GEM: variants seen among roughly 807,000 people sequenced by gnomAD.
GEM encodes the protein GTP-binding protein GEM.
Under a neutral mutation model 33.0 loss-of-function variants are expected in GEM, and 31 were observed. The observed-to-expected ratio is 0.94, with a 90% CI of 0.71 to 1.27. The LOEUF (loss-of-function observed/expected upper bound fraction) is 1.27. GEM is among the 50% of genes most tolerant of loss of function. GEM has a pLI of 0.00. For missense variants in GEM, 354 were observed against 390.5 expected (o/e 0.91, Z 0.79); for synonymous variants, 141 against 143.7 (o/e 0.98, Z 0.13).
intron 2 of GEM, among the ~76,000 whole-genome samples, chr8:94,258,935 G>A (rs1354873175): frequency 6.6e-6 from 1 of 152,134 alleles, no homozygotes; most frequent in African/African-American, 2.4e-5. Context: ...CTAACAAAGT[G>A]CCTCTCCCGT....
chr8:94,251,531 T>C (rs140043285), intron 4 of GEM, among the ~76,000 whole-genome samples: 7 of 152,346 alleles, frequency 4.6e-5, no homozygotes, highest in South Asian at 4.1e-4. Context: ...AGATTTTCCC[T>C]GAGCTAAGTA....
At chr8:94,261,935 G>C (rs1586068089) in intron 1 of GEM, among the ~76,000 whole-genome samples, 155 bp downstream of exon 1, 1 of 152,266 alleles carries the variant, frequency 6.6e-6, no homozygotes, top group East Asian at 1.9e-4. Flanking sequence ...TCAGTTGGCA[G>C]ACTTACATTC....
At position 94,250,049 on chromosome 8, in the gene GEM, A is replaced by C; in HGVS notation, c.*261T>G. 2.3e-6 allele frequency: 1 copy of C among 442,258 alleles called. No individual in the cohort carries two copies. The highest frequency in any genetic ancestry group is 4.0e-6 in the Non-Finnish European group (1 of 252,702). 27.4% of individuals were successfully genotyped at this position (442,258 alleles called of 1,614,324 possible). ...CTCTACTATCCAAAATAGAAGAAAC[A>C]CATGTGAACACCAAACACATCCTCT... On this transcript the variant is annotated 3_prime_UTR_variant, in exon 5 of 5. Transcript: ENST00000297596.
intron 3 of GEM, among the ~76,000 whole-genome samples, chr8:94,252,653 A>G (rs549022174): frequency 2.0e-5 from 3 of 152,338 alleles, no homozygotes; most frequent in African/African-American, 7.2e-5. Context: ...TCTAGCACAT[A>G]GGTTCTGAAG....
chr8:94,252,276 C>T, intron 3 of GEM, 53 bp from the exon 4 acceptor site: 1 of 1,196,568 alleles, frequency 8.4e-7, no homozygotes, highest in East Asian at 2.3e-5. Flanking sequence ...GGGAATAAAG[C>T]ATCAGTTTGC....
At chr8:94,251,187 T>C (rs1297784356) in intron 4 of GEM, among the ~76,000 whole-genome samples, 3 of 152,188 alleles carry the variant, frequency 2.0e-5, no homozygotes, top group Admixed American at 6.5e-5. Flanking sequence ...TAATGAGATA[T>C]CTTGGGAAAA....
intron 2 of GEM, among the ~76,000 whole-genome samples, chr8:94,253,433 G>C (rs1808821799): frequency 6.6e-6 from 1 of 152,140 alleles, no homozygotes; most frequent in African/African-American, 2.4e-5. Flanking sequence ...ACTTACTCAA[G>C]AGCTTTTGAC....
At chr8:94,253,654 CT>C (rs1294644876) in intron 2 of GEM, among the ~76,000 whole-genome samples, 3 of 152,134 alleles carry the variant, frequency 2.0e-5, no homozygotes, top group Admixed American at 6.5e-5. Context: ...AGTTTTCTTC[CT>C]TTTTTTAAAA....
Position 94,250,130 on chromosome 8 carries a change from G to A in GEM, c.*180C>T. The A allele has an allele frequency of 1.7e-6, 1 of 593,700 alleles. No homozygotes were observed. The highest frequency in any genetic ancestry group is 2.9e-6 in the Non-Finnish European group (1 of 339,266). 36.8% of individuals were successfully genotyped at this position (593,700 alleles called of 1,614,324 possible). ...CAGGCTTTTCCTGGAAATAAATACT[G>A]ACTTTTTACAAAAATCTTTCATTTC... On this transcript the variant is annotated 3_prime_UTR_variant, in exon 5 of 5. Transcript: ENST00000297596.
chr8:94,260,035 A>G (rs542405956), intron 2 of GEM, 138 bp downstream of exon 2: 2 of 598,640 alleles, frequency 3.3e-6, no homozygotes, highest in African/African-American at 3.7e-5. Flanking sequence ...GCTTTTCTAG[A>G]GACTCAGCTC....
intron 4 of GEM, 141 bp downstream of exon 4, chr8:94,251,878 G>C: frequency 1.5e-6 from 1 of 673,604 alleles, no homozygotes; most frequent in Admixed American, 2.2e-5. Flanking sequence ...GTAGGAGTCT[G>C]AGAAACACAC....
intron 4 of GEM, 63 bp downstream of exon 4, chr8:94,251,956 G>A: frequency 1.6e-6 from 2 of 1,246,380 alleles, no homozygotes; most frequent in South Asian, 2.4e-5. Context: ...AAGAACCCGT[G>A]TCTGAAGGAA....
At chr8:94,260,715 A>G in intron 1 of GEM, 1 of 526,738 alleles carries the variant, frequency 1.9e-6, no homozygotes. Flanking sequence ...CCACACTGTC[A>G]GTAACCAGCT....
At chr8:94,254,682 A>T in intron 2 of GEM, among the ~76,000 whole-genome samples, 1 of 152,330 alleles carries the variant, frequency 6.6e-6, no homozygotes, top group East Asian at 1.9e-4. Flanking sequence ...AATAGCGAGC[A>T]GTTTACGAAA....
At chr8:94,258,571 CACA>C (rs1453818726) in intron 2 of GEM, among the ~76,000 whole-genome samples, 1 of 152,134 alleles carries the variant, frequency 6.6e-6, no homozygotes, top group Non-Finnish European at 1.5e-5. Context: ...TGGGTTCAAT[CACA>C]ACTAGATTTG....
chr8:94,255,233 A>T (rs75794711), intron 2 of GEM, among the ~76,000 whole-genome samples: 5,642 of 152,256 alleles, frequency 0.037, 328 homozygotes, highest in African/African-American at 0.13. Context: ...AGGAAAACCC[A>T]ACTTTCTCCT....
chr8:94,258,249 A>G (rs1808938484), intron 2 of GEM, among the ~76,000 whole-genome samples: 1 of 152,192 alleles, frequency 6.6e-6, no homozygotes, highest in African/African-American at 2.4e-5. Context: ...TTGAAAGTCT[A>G]CTATCCACTA....
chr8:94,253,053 C>T lies in GEM; in HGVS notation c.391G>A (p.Asp131Asn), dbSNP rs773612061. The change falls in exon 3 of 5, where the codon GAT becomes AAT. Residue 131 changes from aspartate to asparagine, a missense_variant. Physicochemically the swap from Asp to Asn is conservative, Grantham distance 23 (BLOSUM62 1). Coordinates refer to ENST00000297596, the MANE Select transcript of GEM (RefSeq NM_005261.4). ...DGESATIILLDMWENKGENEW... is the reference protein window; with the variant it reads ...DGESATIILLNMWENKGENEW... Reference sequence around the variant, plus strand: ...CTGCATACCTTATTTTCCCACATATCCAGGAGTATAATCGTTGCACTTTCC... The same window carrying T: ...CTGCATACCTTATTTTCCCACATATTCAGGAGTATAATCGTTGCACTTTCC... 1.3e-6 allele frequency: 2 copies of T among 1,587,138 alleles called. No homozygotes were observed. The highest frequency in any genetic ancestry group is 1.7e-6 in the Non-Finnish European group (2 of 1,155,470).
In GEM at chr8:94,252,184, C is replaced by T. The variant is rs774991627; in HGVS notation, c.448G>A (p.Gly150Arg). 4.3e-6 allele frequency: 7 copies of T among 1,613,188 alleles called. No individual in the cohort carries two copies. Among genetic ancestry groups the T allele is most frequent in the African/African-American group, 1.3e-5 (1 of 74,994 alleles). ...EWLHDHCMQV[G>R]DAYLIVYSIT... Reference sequence around the variant, plus strand: ...GAGTAGACAATCAGGTATGCGTCCCCGACCTGCATGCAGTGGTCATGGAGC... The same window carrying T: ...GAGTAGACAATCAGGTATGCGTCCCTGACCTGCATGCAGTGGTCATGGAGC... The change falls in exon 4 of 5, where the codon GGG becomes AGG. Residue 150 changes from glycine to arginine, a missense_variant. Transcript: ENST00000297596.
Sources: gnomAD v4.1 joint callset for allele counts (sites outside exome capture counted in the v4.1 genomes callset) on GRCh38, gnomAD v4.1.1 for gene constraint, MANE v1.5 for transcripts, NCBI Gene and HGNC (gene_info 2026-07-23, HGNC 2026-07-21) for gene names.